NRXN1: variants seen among roughly 807,000 people sequenced by gnomAD.
NRXN1 encodes the protein neurexin-1.
NRXN1 carries 39 observed loss-of-function variants against 150.9 expected under a neutral mutation model. That is an observed-to-expected ratio of 0.26 (90% CI 0.20 to 0.34). NRXN1 has a LOEUF of 0.34. NRXN1 is among the 10% of genes least tolerant of loss of function. The probability of loss-of-function intolerance (pLI) is 1.00; values close to 1 mark genes in which losing one functional copy is unlikely to be tolerated. For missense variants in NRXN1, 1,815 were observed against 1,949.9 expected (o/e 0.93, Z 1.30); for synonymous variants, 924 against 757.0 (o/e 1.22, Z -3.62).
At chr2:50,602,478 C>T (rs937686538) in intron 8 of NRXN1, among the ~76,000 whole-genome samples, 1 of 151,664 alleles carries the variant, frequency 6.6e-6, no homozygotes, top group Non-Finnish European at 1.5e-5. Flanking sequence ...CTTCACTGTT[C>T]AGAATTTCTT....
chr2:50,986,062 TA>T (rs1697650507), intron 2 of NRXN1, among the ~76,000 whole-genome samples: 3 of 151,854 alleles, frequency 2.0e-5, no homozygotes, highest in Admixed American at 2.0e-4. Flanking sequence ...TTAATAGAGT[TA>T]ATAAAGATTA....
intron 17 of NRXN1, among the ~76,000 whole-genome samples, chr2:50,256,983 G>C (rs1057472046): frequency 2.0e-5 from 3 of 152,004 alleles, no homozygotes; most frequent in Non-Finnish European, 2.9e-5. Context: ...GTTGAGAGAT[G>C]AGTATTTCTG....
intron 5 of NRXN1, among the ~76,000 whole-genome samples, chr2:50,903,756 T>C (rs961892846): frequency 1.3e-5 from 2 of 152,182 alleles, no homozygotes; most frequent in African/African-American, 4.8e-5. Context: ...AGAGAGATGA[T>C]GCTTGGCTCA....
intron 17 of NRXN1, among the ~76,000 whole-genome samples, chr2:50,265,892 A>G (rs1468248969): frequency 6.6e-6 from 1 of 152,012 alleles, no homozygotes; most frequent in African/African-American, 2.4e-5. Context: ...AGAGAGGAGC[A>G]AGTTAAAGCT....
intron 5 of NRXN1, among the ~76,000 whole-genome samples, chr2:50,697,306 G>C (rs1574141986): frequency 6.6e-6 from 1 of 152,148 alleles, no homozygotes; most frequent in South Asian, 2.1e-4. Flanking sequence ...GGTAAGTTAG[G>C]ACAGTATATG....
At chr2:50,014,609 G>A (rs534693290) in intron 21 of NRXN1, among the ~76,000 whole-genome samples, 2 of 152,212 alleles carry the variant, frequency 1.3e-5, no homozygotes, top group South Asian at 4.1e-4. Context: ...CCACTGATTT[G>A]TTCTTAACAC....
chr2:49,941,046 T>A (rs866058074), intron 22 of NRXN1, among the ~76,000 whole-genome samples: 6 of 151,990 alleles, frequency 3.9e-5, no homozygotes, highest in Middle Eastern at 3.2e-3. Context: ...GTTTTGTATT[T>A]TGGGTAACAG....
chr2:50,142,528 C>T lies in NRXN1; in HGVS notation c.3547-51034G>A, dbSNP rs145948166. On this transcript the variant is annotated intron_variant, in intron 18 of 22. Transcript: ENST00000401669. ...TGATGAATATCATAAATCCCCCTGA[C>T]TTGATCGTTACACATTCTATACATA... Among the ~76,000 whole-genome samples the T allele has an allele frequency of 4.7e-3, 710 of 151,872 alleles. 4 individuals are homozygous for T. The highest frequency in any genetic ancestry group is 0.01 in the Middle Eastern group (3 of 294).
At chr2:50,055,089 T>C in intron 19 of NRXN1, 45 bp from the exon 20 acceptor site, 2 of 1,339,110 alleles carry the variant, frequency 1.5e-6, no homozygotes, top group African/African-American at 1.5e-5. Flanking sequence ...ATCTGTAAGG[T>C]CAAAGGTTAA....
At chr2:50,963,822 T>C in intron 2 of NRXN1, 1 of 284,390 alleles carries the variant, frequency 3.5e-6, no homozygotes, top group Non-Finnish European at 7.2e-6. Flanking sequence ...TTCTTCTGTG[T>C]ATTGAATAAC....
At chr2:50,435,424 A>C (rs1173824408) in intron 17 of NRXN1, among the ~76,000 whole-genome samples, 1 of 152,206 alleles carries the variant, frequency 6.6e-6, no homozygotes, top group Non-Finnish European at 1.5e-5. Context: ...TCTGCTCCAA[A>C]ACTCAATTCT....
At chr2:50,854,718 G>A (rs369826977) in intron 5 of NRXN1, among the ~76,000 whole-genome samples, 23 of 152,124 alleles carry the variant, frequency 1.5e-4, no homozygotes, top group African/African-American at 5.3e-4. Flanking sequence ...AACGTTAAGC[G>A]GTTTCAGTAA....
At chr2:50,192,086 ATTATATATCCTATTGAGTAGCTCAG>A (rs916888197) in intron 18 of NRXN1, among the ~76,000 whole-genome samples, 3 of 152,172 alleles carry the variant, frequency 2.0e-5, no homozygotes, top group Non-Finnish European at 4.4e-5. Context: ...TTCTAAAAAT[ATTATATATCCTATTGAGTAGCTCAG>A]TTTGTAGCTG....
intron 5 of NRXN1, among the ~76,000 whole-genome samples, chr2:50,734,724 A>C (rs573204524): frequency 3.9e-5 from 6 of 152,076 alleles, no homozygotes; most frequent in Non-Finnish European, 8.8e-5. Flanking sequence ...AAAAAAAAAA[A>C]TAAAGCAAAC....
chr2:50,854,402 A>C (rs1043261065), intron 5 of NRXN1, among the ~76,000 whole-genome samples: 1 of 152,046 alleles, frequency 6.6e-6, no homozygotes, highest in Non-Finnish European at 1.5e-5. Flanking sequence ...ATACTAGTAA[A>C]ACCCAATGGA....
intron 19 of NRXN1, among the ~76,000 whole-genome samples, chr2:50,071,047 G>T (rs988397699): frequency 5.3e-5 from 8 of 152,118 alleles, no homozygotes; most frequent in Non-Finnish European, 1.2e-4. Flanking sequence ...TTGAGCTGAT[G>T]CTCCATTACT....
intron 18 of NRXN1, among the ~76,000 whole-genome samples, chr2:50,147,346 G>A (rs1339668200): frequency 6.6e-6 from 1 of 151,736 alleles, no homozygotes; most frequent in Middle Eastern, 3.2e-3. Context: ...AGTCCTACTA[G>A]TTACAGAGTG....
chr2:50,355,615 T>C (rs2078743146), intron 17 of NRXN1, among the ~76,000 whole-genome samples: 1 of 152,172 alleles, frequency 6.6e-6, no homozygotes. Context: ...AAAACTATCT[T>C]TTCTACTTCC....
intron 5 of NRXN1, among the ~76,000 whole-genome samples, chr2:50,659,605 A>G (rs1687002549): frequency 6.6e-6 from 1 of 151,976 alleles, no homozygotes. Context: ...AACCAAATAT[A>G]CTTCTATAAA....
Sources: gnomAD v4.1 joint callset for allele counts (sites outside exome capture counted in the v4.1 genomes callset) on GRCh38, gnomAD v4.1.1 for gene constraint, MANE v1.5 for transcripts, NCBI Gene and HGNC (gene_info 2026-07-23, HGNC 2026-07-21) for gene names.